UBE2D3: variants seen among roughly 807,000 people sequenced by gnomAD.
The protein encoded by UBE2D3 is ubiquitin-conjugating enzyme E2 D3.
A neutral mutation model predicts 22.8 loss-of-function variants in UBE2D3; 2 were observed. The observed-to-expected ratio is 0.09, with a 90% confidence interval of 0.04 to 0.28. The LOEUF (loss-of-function observed/expected upper bound fraction) is 0.28, where lower values mean the gene tolerates loss of function less well. Among genes scored for constraint, UBE2D3 ranks in the 10% least tolerant of loss-of-function variants. The pLI is 1.00. For missense variants in UBE2D3, 27 were observed against 182.5 expected (o/e 0.15, Z 4.91); for synonymous variants, 56 against 60.4 (o/e 0.93, Z 0.34).
chr4:102,837,995 T>C (rs1304026682), intron 1 of UBE2D3, among the ~76,000 whole-genome samples: 4 of 151,900 alleles, frequency 2.6e-5, no homozygotes, highest in Non-Finnish European at 5.9e-5. Context: ...CTAAAATAGC[T>C]GTAGTCTCAG....
chr4:102,823,250 T>TG (rs1218981897), intron 2 of UBE2D3, among the ~76,000 whole-genome samples: 1 of 152,218 alleles, frequency 6.6e-6, no homozygotes, highest in Admixed American at 6.5e-5. Flanking sequence ...GCACATACTC[T>TG]GGACCAGGCT....
At chr4:102,818,817 A>C (rs1429936986) in intron 2 of UBE2D3, among the ~76,000 whole-genome samples, 4 of 152,088 alleles carry the variant, frequency 2.6e-5, no homozygotes, top group Non-Finnish European at 5.9e-5. Flanking sequence ...CAAATGGTTT[A>C]TCTTGAGGAA....
intron 2 of UBE2D3, among the ~76,000 whole-genome samples, chr4:102,820,786 A>G (rs1445743627): frequency 6.6e-6 from 1 of 152,188 alleles, no homozygotes; most frequent in Non-Finnish European, 1.5e-5. Context: ...GCTGCCCAGT[A>G]GTAGAAAACA....
chr4:102,864,025 TAA>T (rs1325512064), intron 1 of UBE2D3, among the ~76,000 whole-genome samples: 2 of 152,200 alleles, frequency 1.3e-5, no homozygotes, highest in East Asian at 3.9e-4. Flanking sequence ...GATGAGTTGA[TAA>T]TGAGGTAAAA....
chr4:102,838,026 G>A (rs1297766306), intron 1 of UBE2D3, among the ~76,000 whole-genome samples: 1 of 152,038 alleles, frequency 6.6e-6, no homozygotes, highest in Non-Finnish European at 1.5e-5. Flanking sequence ...GGCTGAGGTG[G>A]GAGGATTGCT....
chr4:102,856,241 C>T (rs113985457), intron 1 of UBE2D3, among the ~76,000 whole-genome samples: 283 of 152,292 alleles, frequency 1.9e-3, no homozygotes, highest in African/African-American at 6.6e-3. Context: ...TGGCGCAAGC[C>T]TGTGATCCCA....
chr4:102,798,668 A>G (rs952748310), intron 7 of UBE2D3, among the ~76,000 whole-genome samples: 1 of 134,852 alleles, frequency 7.4e-6, no homozygotes, highest in Non-Finnish European at 1.6e-5. Context: ...TGATAGTTTG[A>G]AAAAAAAAAA....
At position 102,863,318 on chromosome 4, in the gene UBE2D3, C is replaced by A. The variant is rs190218825; in HGVS notation, c.-129+5397G>T. 1.2e-4 allele frequency among the ~76,000 whole-genome samples: 18 copies of A among 151,078 alleles called. No homozygotes were observed. In the South Asian group the frequency reaches 3.8e-3, roughly 32 times the overall value. On this transcript the variant is annotated intron_variant, in intron 1 of 7. Transcript: ENST00000338145. ...CACCCACCTTGGCCTCCCAAAGTGC[C>A]GGGATTACAGGCGTGAGCCACCGAG...
At chr4:102,839,423 C>T (rs1450060485) in intron 1 of UBE2D3, among the ~76,000 whole-genome samples, 2 of 152,020 alleles carry the variant, frequency 1.3e-5, no homozygotes, top group Admixed American at 6.5e-5. Context: ...AGCCGCTTGC[C>T]GCCACACCCA....
chr4:102,841,245 CAG>C (rs1299038786), intron 1 of UBE2D3, among the ~76,000 whole-genome samples: 4 of 151,972 alleles, frequency 2.6e-5, no homozygotes, highest in Admixed American at 1.3e-4. Context: ...ATGTAGGAGA[CAG>C]AACATTCTCA....
chr4:102,805,493 TTC>T (rs1427587927), intron 4 of UBE2D3, among the ~76,000 whole-genome samples: 1 of 146,334 alleles, frequency 6.8e-6, no homozygotes, highest in Non-Finnish European at 1.5e-5. Flanking sequence ...AACGTTGGTA[TTC>T]TTTTTTTTTT....
At chr4:102,838,090 A>C (rs762252011) in intron 1 of UBE2D3, among the ~76,000 whole-genome samples, 22 of 152,168 alleles carry the variant, frequency 1.4e-4, no homozygotes, top group Non-Finnish European at 2.5e-4. Flanking sequence ...CTGCACTCCT[A>C]CCTGGTGACA....
At chr4:102,849,295 T>C (rs1253107700) in intron 1 of UBE2D3, among the ~76,000 whole-genome samples, 5 of 145,902 alleles carry the variant, frequency 3.4e-5, no homozygotes, top group Non-Finnish European at 7.5e-5. Flanking sequence ...GCCCAGGAGG[T>C]TGAGGCTGCA....
At chr4:102,838,827 AAAAAG>A (rs1731574440) in intron 1 of UBE2D3, among the ~76,000 whole-genome samples, 1 of 150,782 alleles carries the variant, frequency 6.6e-6, no homozygotes, top group African/African-American at 2.4e-5. Context: ...AAAAAAAAAA[AAAAAG>A]AGGAAAAGGA....
chr4:102,809,590 C>A, intron 4 of UBE2D3, 82 bp downstream of exon 4: 1 of 1,359,406 alleles, frequency 7.4e-7, no homozygotes, highest in Non-Finnish European at 1.0e-6. Context: ...ATAAAATAAA[C>A]CTACAGACCA....
intron 1 of UBE2D3, among the ~76,000 whole-genome samples, chr4:102,834,425 G>A (rs867899619): frequency 6.4e-4 from 98 of 152,056 alleles, no homozygotes; most frequent in African/African-American, 2.3e-3. Flanking sequence ...CCCAATCCCT[G>A]CCTAACAAAT....
At position 102,827,485 on chromosome 4, in the gene UBE2D3, G is replaced by C. The variant is rs950718140; in HGVS notation, c.-187C>G. 101 of 986,110 alleles carry C rather than the reference G, an allele frequency of 1.0e-4. No homozygotes were observed. Among genetic ancestry groups the C allele is most frequent in the Non-Finnish European group, 1.1e-4 (95 of 830,218 alleles). 61.1% of individuals were successfully genotyped at this position (986,110 alleles called of 1,614,324 possible). A position where few individuals can be genotyped will look rare whatever the true frequency, so the allele number is the denominator to read the frequency against. On this transcript the variant is annotated 5_prime_UTR_variant, in exon 1 of 8. Transcript: ENST00000453744. ...CGGCCTCCTCCCCGCGCGGCAGCTG[G>C]TGCCTCCCCGGCCCTACGGGGCTCA... is the stretch of plus-strand genomic sequence containing the variant.
chr4:102,864,439 G>A (rs956316469), intron 1 of UBE2D3, among the ~76,000 whole-genome samples: 5 of 53,082 alleles, frequency 9.4e-5, no homozygotes, highest in African/African-American at 7.0e-4. Context: ...TTTAGTGGCA[G>A]TAAAAATGTA....
intron 4 of UBE2D3, 84 bp downstream of exon 4, chr4:102,809,588 A>G: frequency 7.4e-7 from 1 of 1,342,970 alleles, no homozygotes; most frequent in Non-Finnish European, 1.0e-6. Flanking sequence ...TGATAAAATA[A>G]ACCTACAGAC....
Sources: allele counts gnomAD v4.1 joint callset (sites outside exome capture counted in the v4.1 genomes callset), GRCh38; gene constraint gnomAD v4.1.1; transcripts MANE v1.5; gene names NCBI Gene and HGNC (gene_info 2026-07-23, HGNC 2026-07-21).